RYR3: variants seen among roughly 807,000 people sequenced by gnomAD.
The protein encoded by RYR3 is ryanodine receptor 3, also known as brain ryanodine receptor-calcium release channel.
Under a neutral mutation model 584.3 loss-of-function variants are expected in RYR3, and 207 were observed. That is an observed-to-expected ratio of 0.35 (90% CI 0.32 to 0.40). RYR3 has a LOEUF of 0.40. Among genes scored for constraint, RYR3 ranks in the 10% least tolerant of loss-of-function variants. The probability of loss-of-function intolerance (pLI) is 1.00; values close to 1 mark genes in which losing one functional copy is unlikely to be tolerated. For missense variants in RYR3, 5,616 were observed against 6,089.2 expected (o/e 0.92, Z 2.59); for synonymous variants, 2,416 against 2,248.5 (o/e 1.07, Z -2.11).
intron 38 of RYR3, among the ~76,000 whole-genome samples, chr15:33,673,384 G>C (rs1383609912): frequency 6.6e-6 from 1 of 152,192 alleles, no homozygotes; most frequent in East Asian, 1.9e-4. Context: ...TCTGAAATCT[G>C]CTAGCTGGCT....
chr15:33,835,246 G>A (rs1056716037), intron 87 of RYR3, among the ~76,000 whole-genome samples, 174 bp downstream of exon 87: 5 of 152,214 alleles, frequency 3.3e-5, no homozygotes, highest in African/African-American at 9.7e-5. Context: ...TGAATGCCTC[G>A]GAGGGGCGCG....
intron 19 of RYR3, among the ~76,000 whole-genome samples, chr15:33,619,796 G>A (rs905127936): frequency 6.6e-6 from 1 of 152,168 alleles, no homozygotes; most frequent in Non-Finnish European, 1.5e-5. Flanking sequence ...CTAGAGTTGA[G>A]ACCCAGGGAG....
rs2050700726 is a variant in RYR3 at position 33,488,667 on chromosome 15, A to C, written c.172-14964A>C. Among the ~76,000 whole-genome samples the C allele has an allele frequency of 5.9e-5, 9 of 152,194 alleles. 1 individual carries two copies. In the South Asian group the frequency reaches 1.9e-3, roughly 32 times the overall value. On this transcript the variant is annotated intron_variant, in intron 2 of 103. Coordinates refer to ENST00000634891, the MANE Select transcript of RYR3 (RefSeq NM_001036.6). The stretch of plus-strand genomic sequence containing the variant: ...GGAGATCGAGACCATCCTGGCCAAC[A>C]TGGTGAAACCCCGTCTCTACTAAAA...
intron 32 of RYR3, among the ~76,000 whole-genome samples, chr15:33,659,416 G>A (rs921431414): frequency 5.3e-5 from 8 of 152,206 alleles, no homozygotes; most frequent in Non-Finnish European, 1.2e-4. Flanking sequence ...TGCCTTTGGT[G>A]GGGAGTTAGC....
intron 1 of RYR3, among the ~76,000 whole-genome samples, chr15:33,442,666 A>T (rs2046328840): frequency 6.6e-6 from 1 of 152,248 alleles, no homozygotes; most frequent in South Asian, 2.1e-4. Flanking sequence ...TGTTGTTTAT[A>T]TGCCTTCCTC....
chr15:33,796,208 C>T (rs1180294615), intron 67 of RYR3, among the ~76,000 whole-genome samples: 2 of 152,190 alleles, frequency 1.3e-5, no homozygotes, highest in South Asian at 2.1e-4. Context: ...GATCTCTGCT[C>T]ACTGCAACCT....
chr15:33,708,330 A>G lies in RYR3; in HGVS notation c.6619+1276A>G, dbSNP rs146156456. Among the ~76,000 whole-genome samples the G allele has an allele frequency of 2.4e-3, 360 of 152,318 alleles. 3 individuals are homozygous for G. The highest frequency in any genetic ancestry group is 4.1e-3 in the Non-Finnish European group (277 of 68,024). On this transcript the variant is annotated intron_variant, in intron 43 of 103. Coordinates refer to ENST00000634891, the MANE Select transcript of RYR3 (RefSeq NM_001036.6). ...AATCTGATCAAGGCAGAACCAATTTATTCATCTTGGTCACCTTCACAGTCA... is the reference window on the plus strand; with the variant it reads ...AATCTGATCAAGGCAGAACCAATTTGTTCATCTTGGTCACCTTCACAGTCA...
At chr15:33,811,152 G>T in intron 72 of RYR3, 115 bp downstream of exon 72, 1 of 884,210 alleles carries the variant, frequency 1.1e-6, no homozygotes, top group Non-Finnish European at 1.8e-6. Flanking sequence ...AACAGTTTGG[G>T]GGTATTTGTG....
chr15:33,704,294 AAAG>A (rs869050529), intron 42 of RYR3, among the ~76,000 whole-genome samples: 1 of 151,984 alleles, frequency 6.6e-6, no homozygotes, highest in Non-Finnish European at 1.5e-5. Context: ...AAAAAAAAAA[AAAG>A]AAAGAAAAAA....
At chr15:33,556,438 A>C (rs1377424512) in intron 10 of RYR3, among the ~76,000 whole-genome samples, 1 of 152,224 alleles carries the variant, frequency 6.6e-6, no homozygotes. Flanking sequence ...AAACAATGAT[A>C]ATAGTGGGAG....
chr15:33,399,809 A>G (rs1207908214), intron 1 of RYR3, among the ~76,000 whole-genome samples: 3 of 152,210 alleles, frequency 2.0e-5, no homozygotes, highest in Non-Finnish European at 4.4e-5. Flanking sequence ...CTATAAATAA[A>G]TGTATGGAAA....
intron 59 of RYR3, 66 bp downstream of exon 59, chr15:33,756,439 T>A: frequency 8.7e-7 from 1 of 1,150,928 alleles, no homozygotes; most frequent in Non-Finnish European, 1.3e-6. Flanking sequence ...GGAAACAGGT[T>A]AAGTGGATCC....
At position 33,724,057 on chromosome 15, in the gene RYR3, T is replaced by C. The variant is rs1474515034; in HGVS notation, c.6801-8T>C. ...TTCCTCACACCTCCCCTCTGTTGGT[T>C]CTCTCAGCAGCACGGGGGACGATGA... On this transcript the variant is annotated splice_polypyrimidine_tract_variant and splice_region_variant and intron_variant, in intron 44 of 103. Coordinates refer to ENST00000634891, the MANE Select transcript of RYR3 (RefSeq NM_001036.6). The C allele has an allele frequency of 1.3e-6, 2 of 1,550,202 alleles. No homozygotes were observed. The highest frequency in any genetic ancestry group is 2.7e-5 in the African/African-American group (2 of 73,698).
intron 47 of RYR3, among the ~76,000 whole-genome samples, chr15:33,730,678 G>A (rs897590306): frequency 2.6e-5 from 4 of 152,170 alleles, no homozygotes; most frequent in South Asian, 2.1e-4. Flanking sequence ...GGTTTCTTTC[G>A]AAAGTTCTAT....
chr15:33,636,354 G>T, intron 26 of RYR3, 22 bp from the exon 27 acceptor site: 3 of 1,612,090 alleles, frequency 1.9e-6, no homozygotes, highest in Non-Finnish European at 2.5e-6. Flanking sequence ...ATTTCTCTAA[G>T]CCCTAGAGTC....
At chr15:33,526,287 G>C (rs1462749984) in intron 3 of RYR3, among the ~76,000 whole-genome samples, 2 of 152,176 alleles carry the variant, frequency 1.3e-5, no homozygotes, top group African/African-American at 2.4e-5. Flanking sequence ...ATGAGCTAGT[G>C]GAACATTTTT....
At chr15:33,463,096 C>T (rs982859276) in intron 1 of RYR3, among the ~76,000 whole-genome samples, 1 of 151,758 alleles carries the variant, frequency 6.6e-6, no homozygotes. Flanking sequence ...CCCAGGAGGT[C>T]GAGGCTTCAG....
At chr15:33,817,807 G>A (rs925672753) in intron 75 of RYR3, among the ~76,000 whole-genome samples, 2 of 152,214 alleles carry the variant, frequency 1.3e-5, no homozygotes, top group East Asian at 1.9e-4. Flanking sequence ...GACAATGAGC[G>A]TCACTTCAGC....
intron 37 of RYR3, among the ~76,000 whole-genome samples, chr15:33,669,801 T>G (rs1244351243): frequency 7.1e-6 from 1 of 139,984 alleles, no homozygotes; most frequent in Admixed American, 7.5e-5. Flanking sequence ...TGAGACAAGA[T>G]TCTGATCTCT....
Sources: allele counts gnomAD v4.1 joint callset (sites outside exome capture counted in the v4.1 genomes callset), GRCh38; gene constraint gnomAD v4.1.1; transcripts MANE v1.5; gene names NCBI Gene and HGNC (gene_info 2026-07-23, HGNC 2026-07-21).